Variants in VWA7 observed in about 807,000 individuals in gnomAD.
The protein encoded by VWA7 is von Willebrand factor A domain containing 7, also known as von Willebrand factor A domain-containing protein 7.
A neutral mutation model predicts 83.1 loss-of-function variants in VWA7; 66 were observed. The ratio of observed to expected loss-of-function variants is 0.79; its 90% CI spans 0.65 to 0.98. VWA7 has a LOEUF of 0.98. Ranked by LOEUF, VWA7 falls within the 50% of genes least tolerant of loss-of-function variation. The pLI is 0.00. For missense variants in VWA7, 1,080 were observed against 1,160.2 expected (o/e 0.93, Z 1.00); for synonymous variants, 424 against 488.5 (o/e 0.87, Z 1.74).
In VWA7 at chr6:31,777,264, C is replaced by T. The variant is rs1259035284; in HGVS notation, c.-171G>A. 8.2e-6 allele frequency: 4 copies of T among 485,776 alleles called. No homozygotes were observed. The Admixed American group carries it at 1.4e-4, about 17-fold the overall frequency. The allele number at this position is 485,776 out of a possible 1,614,324, so 30.1% of individuals were successfully genotyped here. ...CCCCTGGCCCTTTCGCTCCTGCCTG[C>T]CCAAAGCCACAGGCAGCAGCCCACG... On this transcript the variant is annotated 5_prime_UTR_variant, in exon 1 of 17. Transcript: ENST00000375688. The surrounding 1 kb of genome is among the most constrained non-coding windows in gnomAD (Gnocchi z 5.8).
In VWA7 at chr6:31,766,254, T is replaced by G. The variant is rs552189546; in HGVS notation, c.2315A>C (p.Asn772Thr). The change falls in exon 15 of 17, where the codon AAC (asparagine) becomes ACC (threonine). Residue 772 changes from asparagine (N) to threonine (T), a missense_variant. Transcript: ENST00000375688. This position sits in a 1 kb window ranked among gnomAD's most constrained non-coding sequence, Gnocchi z 4.9. ...FVNPSFSLTS[N>T]LSRAHLELNE... ...GGTTCATGAGCCTCACCTGGAGAGGTTGGAGGTGAGGGAGAAGCTGGGGTT... is the reference window on the plus strand; with the variant it reads ...GGTTCATGAGCCTCACCTGGAGAGGGTGGAGGTGAGGGAGAAGCTGGGGTT... 20 of 1,611,292 alleles carry G rather than the reference T, an allele frequency of 1.2e-5. No homozygotes were observed. In the South Asian group the frequency reaches 2.0e-4, roughly 16 times the overall value.
At position 31,773,849 on chromosome 6, in the gene VWA7, A is replaced by AAAAT. The variant is rs1020175307; in HGVS notation, c.722-416_722-413dup. Among the ~76,000 whole-genome samples, 1 of 151,478 alleles carries AAAAT rather than the reference A, an allele frequency of 6.6e-6. No homozygotes were observed. The highest frequency in any genetic ancestry group is 1.5e-5 in the Non-Finnish European group (1 of 67,860). On this transcript the variant is annotated intron_variant, in intron 5 of 16. Transcript: ENST00000375688. The surrounding 1 kb of genome is among the most constrained non-coding windows in gnomAD (Gnocchi z 5.3). ...GTGGCAGAGCAAGACTCGGTCTCAA[A>AAAAT]AAATAAATAAATAAATAAATGATGG...
rs139770801 is a variant in VWA7, at chr6:31,773,272, C to A, written c.887G>T (p.Arg296Leu). Reference sequence around the variant, plus strand: ...GAAATCCCTGTCTCCCAGGCGGCTTCGCAGAAGGCTGAAGGCCTGGATGGA... The same window carrying A: ...GAAATCCCTGTCTCCCAGGCGGCTTAGCAGAAGGCTGAAGGCCTGGATGGA... Reference protein sequence around the residue: ...LASIQAFSLLRSRLGDRDFSR... With the variant: ...LASIQAFSLLLSRLGDRDFSR... The change falls in exon 6 of 17, where the codon CGA becomes CTA. Residue 296 changes from arginine to leucine, a missense_variant. Transcript: ENST00000375688. The surrounding 1 kb of genome is among the most constrained non-coding windows in gnomAD (Gnocchi z 5.3). 304 of 1,606,804 alleles carry A rather than the reference C, an allele frequency of 1.9e-4. 1 individual carries two copies. The highest frequency in any genetic ancestry group is 1.8e-3 in the Middle Eastern group (11 of 6,078).
chr6:31,776,532 C>T lies in VWA7; in HGVS notation c.234+14G>A, dbSNP rs1417370437. 19 of 1,540,450 alleles carry T rather than the reference C, an allele frequency of 1.2e-5. No individual in the cohort carries two copies. The highest frequency in any genetic ancestry group is 1.6e-5 in the Non-Finnish European group (18 of 1,140,982). Reference sequence around the variant, plus strand: ...GACTCTGGCAGGGGTGTGACAGGACCCTGGGATGCTCACCAGGAAGTCCTC... The same window carrying T: ...GACTCTGGCAGGGGTGTGACAGGACTCTGGGATGCTCACCAGGAAGTCCTC... On this transcript the variant is annotated intron_variant, in intron 2 of 16. Transcript: ENST00000375688. The surrounding 1 kb of genome is among the most constrained non-coding windows in gnomAD (Gnocchi z 6.2).
chr6:31,776,010 T>TA lies in VWA7; in HGVS notation c.466_467insT (p.His156LeufsTer22). The stretch of plus-strand genomic sequence containing the variant: ...CCCGAGGCGCTGGCGAGCCAGGGTG[T>TA]GGTCAAGGGCCCTGGCTGCCACCAC... On this transcript the variant is annotated frameshift_variant, in exon 3 of 17. Transcript: ENST00000375688. LOFTEE classifies it high-confidence loss of function. The surrounding 1 kb of genome is among the most constrained non-coding windows in gnomAD (Gnocchi z 6.2). 6.2e-7 allele frequency: 1 copy of TA among 1,612,938 alleles called. No individual in the cohort carries two copies. Among genetic ancestry groups the TA allele is most frequent in the Non-Finnish European group, 8.5e-7 (1 of 1,179,858 alleles).
In VWA7 at chr6:31,777,271, C is replaced by T; in HGVS notation, c.-178G>A. ...CCCTTTCGCTCCTGCCTGCCCAAAG[C>T]CACAGGCAGCAGCCCACGCCAGGGC... On this transcript the variant is annotated 5_prime_UTR_variant, in exon 1 of 17. Coordinates refer to ENST00000375688, the MANE Select transcript of VWA7 (RefSeq NM_025258.3). This position sits in a 1 kb window ranked among gnomAD's most constrained non-coding sequence, Gnocchi z 5.8. 2.0e-6 allele frequency: 1 copy of T among 492,916 alleles called. No homozygotes were observed. Among genetic ancestry groups the T allele is most frequent in the African/African-American group, 1.9e-5 (1 of 51,626 alleles). The allele number at this position is 492,916 out of a possible 1,614,324, so 30.5% of individuals were successfully genotyped here.
rs1218553570 is a variant in VWA7 at position 31,766,030 on chromosome 6, G to A, written c.2352C>T (p.Ala784=). ...GGACCTCCAGCCACAGGCGGCCCCA[G>A]GCCGACTCATTCAGTTCCAGGTGAG... is the stretch of plus-strand genomic sequence containing the variant. ...SRAHLELNES[A]WGRLWLEVPD... is the part of the protein sequence containing the mutation. Residue 784 remains alanine (A), a synonymous_variant, in exon 16 of 17, where the codon GCC becomes GCT. Coordinates refer to ENST00000375688, the MANE Select transcript of VWA7 (RefSeq NM_025258.3). The surrounding 1 kb of genome is among the most constrained non-coding windows in gnomAD (Gnocchi z 4.9). 2 of 1,612,926 alleles carry A rather than the reference G, an allele frequency of 1.2e-6. No homozygotes were observed.
rs1329579090 is a variant in VWA7 at position 31,775,687 on chromosome 6, C to CTGCTGCGTG, written c.514-267_514-259dup. Among the ~76,000 whole-genome samples the CTGCTGCGTG allele has an allele frequency of 6.6e-6, 1 of 152,232 alleles. No individual in the cohort carries two copies. Among genetic ancestry groups the CTGCTGCGTG allele is most frequent in the Non-Finnish European group, 1.5e-5 (1 of 68,038 alleles). ...AAGGCCTCTCTCGGCCTGCAGAGTC[C>CTGCTGCGTG]TGCTGCGTGTGCTGCTCCCTCAGCT... On this transcript the variant is annotated intron_variant, in intron 3 of 16. Coordinates refer to ENST00000375688, the MANE Select transcript of VWA7 (RefSeq NM_025258.3). The surrounding 1 kb of genome is among the most constrained non-coding windows in gnomAD (Gnocchi z 5.9).
rs151338540 is a variant in VWA7 at position 31,767,390 on chromosome 6, A to T, written c.1761T>A (p.Ala587=). The change falls in exon 12 of 17, where the codon GCT becomes GCA. Residue 587 remains alanine (A), a synonymous_variant. Coordinates refer to ENST00000375688, the MANE Select transcript of VWA7 (RefSeq NM_025258.3). ...GCACTCTCACCCCAGGGGTGTCCTC[A>T]GCTGTGACCTGGATCTCCCAGGTTC... ...QTGTWEIQVT[A]EDTPGVRVQA... 10 of 1,613,076 alleles carry T rather than the reference A, an allele frequency of 6.2e-6. No homozygotes were observed. In the African/African-American group the frequency reaches 1.3e-4, roughly 22 times the overall value.
At position 31,771,989 on chromosome 6, in the gene VWA7, T is replaced by C. The variant is rs1812220512; in HGVS notation, c.1087+965A>G. On this transcript the variant is annotated intron_variant, in intron 7 of 16. Coordinates refer to ENST00000375688, the MANE Select transcript of VWA7 (RefSeq NM_025258.3). ...CTGGGCGACAGAGCGAGACTCCGTC[T>C]CAAAAAAAAAAAAAAAAAAAAAAAA... 8.3e-5 allele frequency among the ~76,000 whole-genome samples: 3 copies of C among 35,972 alleles called. No homozygotes were observed. In the Admixed American group the frequency reaches 1.5e-3, roughly 18 times the overall value. The allele number at this position is 35,972 out of a possible 152,430, so 23.6% of individuals were successfully genotyped here. A position where few individuals can be genotyped will look rare whatever the true frequency, so the allele number is the denominator to read the frequency against.
Position 31,772,986 on chromosome 6 carries a change from A to ACAGGCTCCATGGGG in VWA7, c.1041_1054dup (p.Val352AlafsTer86), listed in dbSNP as rs149806946. 43,338 of 1,611,904 alleles carry ACAGGCTCCATGGGG rather than the reference A, an allele frequency of 0.027. 1,062 individuals are homozygous for ACAGGCTCCATGGGG. The highest frequency in any genetic ancestry group is 0.025 in the Non-Finnish European group (30,009 of 1,179,874). On this transcript the variant is annotated frameshift_variant, in exon 7 of 17. Transcript: ENST00000375688. LOFTEE classifies it high-confidence loss of function. The stretch of plus-strand genomic sequence containing the variant: ...ATGAAAAGGCACCAGGACATAGTGG[A>ACAGGCTCCATGGGG]CAGGCTCCATGGGGCTGCCTCTCCG...
intron 5 of VWA7, among the ~76,000 whole-genome samples, chr6:31,774,310 A>T (rs541531775): frequency 6.6e-6 from 1 of 152,126 alleles, no homozygotes; most frequent in East Asian, 1.9e-4. Context: ...ACAAGGGAGA[A>T]ATCCTATCAG....
In VWA7 at chr6:31,776,066, G is replaced by T. The variant is rs753375007; in HGVS notation, c.411C>A (p.Arg137=). The change falls in exon 3 of 17, where the codon CGC becomes CGA. Residue 137 remains arginine (R), a synonymous_variant. Transcript: ENST00000375688. The surrounding 1 kb of genome is among the most constrained non-coding windows in gnomAD (Gnocchi z 6.2). ...CCCGCAGAGCCCCTACCAGGCGCGCGCGTCCCTGACCCAGTCGCTCAGCAT... is the reference window on the plus strand; with the variant it reads ...CCCGCAGAGCCCCTACCAGGCGCGCTCGTCCCTGACCCAGTCGCTCAGCAT... ...HFDAERLGQG[R]ARLVGALRET... is the part of the protein sequence containing the mutation. 1 of 1,613,720 alleles carries T rather than the reference G, an allele frequency of 6.2e-7. No homozygotes were observed. Among genetic ancestry groups the T allele is most frequent in the African/African-American group, 1.3e-5 (1 of 74,926 alleles).
Position 31,772,947 on chromosome 6 carries a change from C to T in VWA7, c.1087+7G>A. The T allele has an allele frequency of 6.2e-7, 1 of 1,609,678 alleles. No individual in the cohort carries two copies. ...CCCCTCTACTGTCCTAGCCAGACCA[C>T]ACTTACCTGGGTCATGAAAAGGCAC... On this transcript the variant is annotated splice_region_variant and intron_variant, in intron 7 of 16. Transcript: ENST00000375688.
At position 31,776,951 on chromosome 6, in the gene VWA7, G is replaced by C. The variant is rs577751129; in HGVS notation, c.-15-157C>G. ...TCGCTGTCACCCAGACAACCTGAGGGCCTCATCGGACCATTAGGGACATAC... is the reference window on the plus strand; with the variant it reads ...TCGCTGTCACCCAGACAACCTGAGGCCCTCATCGGACCATTAGGGACATAC... On this transcript the variant is annotated intron_variant, in intron 1 of 16. Coordinates refer to ENST00000375688, the MANE Select transcript of VWA7 (RefSeq NM_025258.3). The surrounding 1 kb of genome is among the most constrained non-coding windows in gnomAD (Gnocchi z 6.2). 30 of 474,908 alleles carry C rather than the reference G, an allele frequency of 6.3e-5. No individual in the cohort carries two copies. The highest frequency in any genetic ancestry group is 5.6e-4 in the African/African-American group (28 of 49,946). The allele number at this position is 474,908 out of a possible 1,614,324, so 29.4% of individuals were successfully genotyped here.
Position 31,776,928 on chromosome 6 carries a change from G to A in VWA7, c.-15-134C>T, listed in dbSNP as rs1327785522. 1.2e-5 allele frequency: 6 copies of A among 496,810 alleles called. No individual in the cohort carries two copies. The highest frequency in any genetic ancestry group is 7.9e-5 in the South Asian group (2 of 25,444). 30.8% of individuals were successfully genotyped at this position (496,810 alleles called of 1,614,324 possible). On this transcript the variant is annotated intron_variant, in intron 1 of 16. Transcript: ENST00000375688. The surrounding 1 kb of genome is among the most constrained non-coding windows in gnomAD (Gnocchi z 6.2). ...TCCAGCCTGGCTTCCCCACCCTCTC[G>A]CTGTCACCCAGACAACCTGAGGGCC...
At position 31,777,185 on chromosome 6, in the gene VWA7, C is replaced by T. The variant is rs771235574; in HGVS notation, c.-92G>A. On this transcript the variant is annotated 5_prime_UTR_variant, in exon 1 of 17. Coordinates refer to ENST00000375688, the MANE Select transcript of VWA7 (RefSeq NM_025258.3). The surrounding 1 kb of genome is among the most constrained non-coding windows in gnomAD (Gnocchi z 5.8). Reference sequence around the variant, plus strand: ...CACTTAGGTCAGAGTTATAATTAACCGAGGCTCAGCAGAGGGGGAGGAAGG... The same window carrying T: ...CACTTAGGTCAGAGTTATAATTAACTGAGGCTCAGCAGAGGGGGAGGAAGG... 30 of 368,060 alleles carry T rather than the reference C, an allele frequency of 8.2e-5. No homozygotes were observed. The highest frequency in any genetic ancestry group is 1.3e-4 in the Non-Finnish European group (26 of 202,612). The allele number at this position is 368,060 out of a possible 1,614,324, so 22.8% of individuals were successfully genotyped here.
rs1240984879 is a variant in VWA7, at chr6:31,767,658, C to T, written c.1600G>A (p.Gly534Arg). 12 of 1,613,286 alleles carry T rather than the reference C, an allele frequency of 7.4e-6. No homozygotes were observed. Among genetic ancestry groups the T allele is most frequent in the African/African-American group, 4.0e-5 (3 of 74,900 alleles). The change falls in exon 11 of 17, where the codon GGA (glycine) becomes AGA (arginine). Residue 534 changes from glycine (G) to arginine (R), a missense_variant. Physicochemically the swap from Gly to Arg is moderately radical, Grantham distance 125. Transcript: ENST00000375688. ...TTGATCCAGAAGCTGCTGATGTCTC[C>T]GTGGATCCGGACTGTGATCTTCTGG... ...LLQKITVRIH[G>R]DISSFWIKNP...
intron 7 of VWA7, chr6:31,771,278 C>T (rs571162485): frequency 1.3e-5 from 2 of 152,242 alleles, no homozygotes; most frequent in African/African-American, 4.8e-5. Flanking sequence ...ACTCTCAGTC[C>T]AGTAGGCATT....
Sources: gnomAD v4.1 joint callset for allele counts (sites outside exome capture counted in the v4.1 genomes callset) on GRCh38, gnomAD v4.1.1 for gene constraint, Gnocchi (gnomAD v3.1) non-coding constraint, MANE v1.5 for transcripts, NCBI Gene and HGNC (gene_info 2026-07-23, HGNC 2026-07-21) for gene names.